Variants in PCDHGA8 observed in about 807,000 individuals in gnomAD.
The protein encoded by PCDHGA8 is protocadherin gamma subfamily A, 8.
Under a neutral mutation model 59.2 loss-of-function variants are expected in PCDHGA8, and 45 were observed. That is an observed-to-expected ratio of 0.76 (90% CI 0.60 to 0.98). PCDHGA8 has a LOEUF of 0.98. Among genes scored for constraint, PCDHGA8 ranks in the 50% least tolerant of loss-of-function variants. The pLI is 0.00. For synonymous variants in PCDHGA8, 531 were observed against 519.0 expected (o/e 1.02, Z -0.32); for missense variants, 1,257 against 1,196.2 (o/e 1.05, Z -0.75).
At chr5:141,475,600 T>A (rs1023916159) in intron 1 of PCDHGA8, among the ~76,000 whole-genome samples, 2 of 152,192 alleles carry the variant, frequency 1.3e-5, no homozygotes, top group Admixed American at 1.3e-4. Context: ...TTCCAGACAA[T>A]GTTGTGTAGT....
chr5:141,489,151 AAG>A lies in PCDHGA8; in HGVS notation c.2425-5652_2425-5651del. ...TTTTTAAGAGGCTGGAAGGAGACAT[AAG>A]AGACTTCAGCTGCTGCATTCCAAGC... On this transcript the variant is annotated intron_variant, in intron 1 of 3. Coordinates refer to ENST00000398604, the MANE Select transcript of PCDHGA8 (RefSeq NM_032088.2). The surrounding 1 kb of genome is among the most constrained non-coding windows in gnomAD (Gnocchi z 4.5). The A allele has an allele frequency of 1.1e-6, 1 of 932,970 alleles. No homozygotes were observed. The highest frequency in any genetic ancestry group is 1.6e-6 in the Non-Finnish European group (1 of 622,054). 57.8% of individuals were successfully genotyped at this position (932,970 alleles called of 1,614,324 possible).
rs561817609 is a variant in PCDHGA8, at chr5:141,496,904, G to A, written c.2483+2039G>A. Among the ~76,000 whole-genome samples, 12 of 137,476 alleles carry A rather than the reference G, an allele frequency of 8.7e-5. 1 individual carries two copies. The South Asian group carries it at 2.0e-3, about 23-fold the overall frequency. The allele number at this position is 137,476 out of a possible 152,430, so 90.2% of individuals were successfully genotyped here. On this transcript the variant is annotated intron_variant, in intron 2 of 3. Transcript: ENST00000398604. ...AGTAACACTTAAAAAAAAAAAAAAA[G>A]GCTGGGCACTGTGGTTCACGCCTGT...
intron 1 of PCDHGA8, among the ~76,000 whole-genome samples, chr5:141,482,057 C>A (rs2099551189): frequency 6.7e-6 from 1 of 149,978 alleles, no homozygotes; most frequent in Non-Finnish European, 1.5e-5. Flanking sequence ...TGCATTCCAG[C>A]CTGGGCAACA....
At chr5:141,409,964 G>A (rs1042730924) in intron 1 of PCDHGA8, 5 of 1,613,300 alleles carry the variant, frequency 3.1e-6, no homozygotes, top group East Asian at 2.2e-5. Flanking sequence ...CGGCTACCTA[G>A]TGACTAAGGT....
chr5:141,501,290 T>C lies in PCDHGA8; in HGVS notation c.2484-4103T>C, dbSNP rs796726601. Among the ~76,000 whole-genome samples, 19 of 136,248 alleles carry C rather than the reference T, an allele frequency of 1.4e-4. No individual in the cohort carries two copies. The South Asian group carries it at 2.4e-3, about 17-fold the overall frequency. 89.4% of individuals were successfully genotyped at this position (136,248 alleles called of 152,430 possible). ...GTCCAGTCTATGGGATATTCCCTTA[T>C]ACACACACACACACACACACACACA... On this transcript the variant is annotated intron_variant, in intron 2 of 3. Coordinates refer to ENST00000398604, the MANE Select transcript of PCDHGA8 (RefSeq NM_032088.2).
intron 1 of PCDHGA8, chr5:141,418,432 T>C (rs954268296): frequency 1.9e-6 from 3 of 1,613,838 alleles, no homozygotes; most frequent in African/African-American, 1.3e-5. Context: ...GTGGCAAATA[T>C]CCAGAATTAG....
intron 1 of PCDHGA8, among the ~76,000 whole-genome samples, chr5:141,436,531 G>T (rs1365651055): frequency 6.6e-6 from 1 of 152,152 alleles, no homozygotes; most frequent in African/African-American, 2.4e-5. Context: ...CCTTTAGCAA[G>T]TTATTTAATC....
chr5:141,488,711 A>G (rs184498001), intron 1 of PCDHGA8, among the ~76,000 whole-genome samples: 100 of 152,290 alleles, frequency 6.6e-4, no homozygotes, highest in Non-Finnish European at 1.2e-3. Context: ...TGCTGGTTCA[A>G]GCAAAGTGGT....
intron 1 of PCDHGA8, chr5:141,413,690 A>G (rs553462819): frequency 6.2e-7 from 1 of 1,613,702 alleles, no homozygotes; most frequent in Non-Finnish European, 8.5e-7. Flanking sequence ...AACTCCCTGC[A>G]GAGCTATCAG....
chr5:141,450,823 A>ATT (rs1453980247), intron 1 of PCDHGA8, among the ~76,000 whole-genome samples: 2 of 133,076 alleles, frequency 1.5e-5, no homozygotes, highest in East Asian at 2.2e-4. Flanking sequence ...TAATATTATT[A>ATT]TTATTATTTT....
intron 1 of PCDHGA8, among the ~76,000 whole-genome samples, chr5:141,472,015 T>C (rs2099269555): frequency 6.6e-6 from 1 of 152,164 alleles, no homozygotes; most frequent in African/African-American, 2.4e-5. Flanking sequence ...AGGGGCACTA[T>C]ATTGTATGTA....
chr5:141,427,776 G>A (rs3828681), intron 1 of PCDHGA8: 73,622 of 1,424,156 alleles, frequency 0.052, 2,339 homozygotes, highest in African/African-American at 0.13. Flanking sequence ...GGAGCTGCGG[G>A]CACTGTCGTC....
intron 1 of PCDHGA8, among the ~76,000 whole-genome samples, chr5:141,444,192 A>ATT: frequency 1.9e-5 from 1 of 52,730 alleles, no homozygotes; most frequent in African/African-American, 7.7e-5. Flanking sequence ...TTTTTTTGAG[A>ATT]TGGAGTTTCA....
rs375127524 is a variant in PCDHGA8, at chr5:141,490,702, C to G, written c.2425-4105C>G. ...AGATCCAGACACTGGGGATAATGCCCGCCTCACCTACTCCATTGTAGGAAA... is the reference window on the plus strand; with the variant it reads ...AGATCCAGACACTGGGGATAATGCCGGCCTCACCTACTCCATTGTAGGAAA... On this transcript the variant is annotated intron_variant, in intron 1 of 3. Coordinates refer to ENST00000398604, the MANE Select transcript of PCDHGA8 (RefSeq NM_032088.2). This position sits in a 1 kb window ranked among gnomAD's most constrained non-coding sequence, Gnocchi z 5.4. The G allele has an allele frequency of 1.2e-6, 2 of 1,614,060 alleles. No homozygotes were observed. Among genetic ancestry groups the G allele is most frequent in the Admixed American group, 1.7e-5 (1 of 60,008 alleles).
At chr5:141,480,871 C>T (rs1262582761) in intron 1 of PCDHGA8, among the ~76,000 whole-genome samples, 1 of 151,930 alleles carries the variant, frequency 6.6e-6, no homozygotes, top group Non-Finnish European at 1.5e-5. Context: ...ATGGTGAAAC[C>T]CCGTCTCTAC....
Position 141,393,383 on chromosome 5 carries a change from A to G in PCDHGA8, c.570A>G (p.Ile190Met). 6.2e-7 allele frequency: 1 copy of G among 1,614,000 alleles called. No individual in the cohort carries two copies. Among genetic ancestry groups the G allele is most frequent in the Non-Finnish European group, 8.5e-7 (1 of 1,179,874 alleles). The change falls in exon 1 of 4, where the codon ATA becomes ATG. Residue 190 changes from isoleucine to methionine, a missense_variant. Ile to Met is a conservative substitution (Grantham distance 10, BLOSUM62 1). Transcript: ENST00000398604. ...LDVQTGDNGA[I>M]NPELVLERAL... The stretch of plus-strand genomic sequence containing the variant: ...TGCAGACTGGAGACAATGGAGCCAT[A>G]AACCCAGAGCTGGTGCTGGAGCGCG...
At position 141,463,438 on chromosome 5, in the gene PCDHGA8, C is replaced by CTTTTT. The variant is rs71576115; in HGVS notation, c.2425-31345_2425-31341dup. On this transcript the variant is annotated intron_variant, in intron 1 of 3. Coordinates refer to ENST00000398604, the MANE Select transcript of PCDHGA8 (RefSeq NM_032088.2). ...GTTTGCGGATCCTCATTTCCTTCTC[C>CTTTTT]TTTTTTTTTTTTTTTTTTTTTTTTT... is the stretch of plus-strand genomic sequence containing the variant. 3.0e-4 allele frequency among the ~76,000 whole-genome samples: 31 copies of CTTTTT among 103,252 alleles called. 1 individual carries two copies. Among genetic ancestry groups the CTTTTT allele is most frequent in the African/African-American group, 1.2e-3 (26 of 22,402 alleles). The allele number at this position is 103,252 out of a possible 152,430, so 67.7% of individuals were successfully genotyped here.
rs766460257 is a variant in PCDHGA8, at chr5:141,398,407, G to A, written c.2424+3170G>A. 4.0e-5 allele frequency: 59 copies of A among 1,474,004 alleles called. No homozygotes were observed. The Middle Eastern group carries it at 1.0e-3, about 26-fold the overall frequency. 91.3% of individuals were successfully genotyped at this position (1,474,004 alleles called of 1,614,324 possible). A position where few individuals can be genotyped will look rare whatever the true frequency, so the allele number is the denominator to read the frequency against. On this transcript the variant is annotated intron_variant, in intron 1 of 3. Transcript: ENST00000398604. ...TGTGAGCAGCAGGCTAGACAGGGAG[G>A]AGATATGCGGGAAGAAGCCAGCTTG...
intron 1 of PCDHGA8, chr5:141,478,479 C>T (rs750055106): frequency 1.9e-6 from 3 of 1,613,550 alleles, no homozygotes; most frequent in Admixed American, 1.7e-5. Context: ...CGCCAGAACA[C>T]GCTGCGGAGC....
Sources: gnomAD v4.1 joint callset for allele counts (sites outside exome capture counted in the v4.1 genomes callset) on GRCh38, gnomAD v4.1.1 for gene constraint, Gnocchi (gnomAD v3.1) non-coding constraint, MANE v1.5 for transcripts, NCBI Gene and HGNC (gene_info 2026-07-23, HGNC 2026-07-21) for gene names.